The following KLHL13 variants were observed in gnomAD, a reference collection of about 807,000 sequenced individuals.
KLHL13 encodes kelch like family member 13.
A neutral mutation model predicts 37.1 loss-of-function variants in KLHL13; 10 were observed. The ratio of observed to expected loss-of-function variants is 0.27; its 90% CI spans 0.17 to 0.46. The LOEUF (loss-of-function observed/expected upper bound fraction) is 0.46, where lower values mean the gene tolerates loss of function less well. Ranked by LOEUF, KLHL13 falls within the 20% of genes least tolerant of loss-of-function variation. The pLI is 1.00. For synonymous variants in KLHL13, 163 were observed against 181.2 expected (o/e 0.90, Z 0.81); for missense variants, 360 against 509.3 (o/e 0.71, Z 2.82).
chrX:117,942,484 C>T lies in KLHL13; in HGVS notation c.240+2950G>A, dbSNP rs560722278. Among the ~76,000 whole-genome samples, 23 of 110,401 alleles carry T rather than the reference C, an allele frequency of 2.1e-4. No individual in the cohort carries two copies. In the South Asian group the frequency reaches 8.5e-3, roughly 41 times the overall value. On this transcript the variant is annotated intron_variant, in intron 2 of 6. Transcript: ENST00000262820. ...GTCTAAGTCTCTTTGTAGATCTCTA[C>T]GAACTTGCTTAATGAATGTGGGTGC...
chrX:117,908,369 T>G (rs1185555628), intron 5 of KLHL13, among the ~76,000 whole-genome samples: 4 of 109,081 alleles, frequency 3.7e-5, no homozygotes, highest in Admixed American at 2.0e-4. Context: ...CATTAGGTAT[T>G]TCTCCTAATG....
chrX:118,026,203 C>T lies in KLHL13; in HGVS notation c.-55-80628G>A, dbSNP rs1030679401. Reference sequence around the variant, plus strand: ...GTTTTCTGTTCATTTTACAACATGCCTGTATTTTAAAATACCTCGGAATTG... The same window carrying T: ...GTTTTCTGTTCATTTTACAACATGCTTGTATTTTAAAATACCTCGGAATTG... On this transcript the variant is annotated intron_variant, in intron 1 of 6. Transcript: ENST00000371882. Among the ~76,000 whole-genome samples the T allele has an allele frequency of 2.7e-5, 3 of 111,583 alleles. No individual in the cohort carries two copies. The East Asian group carries it at 8.4e-4, about 31-fold the overall frequency.
At chrX:118,054,008 G>A (rs755282197) in intron 1 of KLHL13, among the ~76,000 whole-genome samples, 26 of 110,540 alleles carry the variant, frequency 2.4e-4, no homozygotes, top group Non-Finnish European at 4.6e-4. Context: ...AGACAATGAA[G>A]GAGAAAGAAG....
intron 1 of KLHL13, among the ~76,000 whole-genome samples, chrX:117,999,823 A>C (rs1471125121): frequency 2.7e-5 from 3 of 111,702 alleles, no homozygotes; most frequent in African/African-American, 9.7e-5. Flanking sequence ...ACTGGCACAT[A>C]GAACGGAGAA....
chrX:117,939,783 G>A (rs750631400), intron 2 of KLHL13, among the ~76,000 whole-genome samples: 19 of 111,600 alleles, frequency 1.7e-4, no homozygotes, highest in African/African-American at 5.9e-4. Flanking sequence ...CTTTTTGATG[G>A]GGTGGTTTGT....
intron 4 of KLHL13, among the ~76,000 whole-genome samples, chrX:117,918,592 A>G (rs1194499877): frequency 8.9e-6 from 1 of 111,885 alleles, no homozygotes; most frequent in Non-Finnish European, 1.9e-5. Context: ...TTTCTGTCCA[A>G]TGTAGCCATT....
chrX:118,000,861 T>G (rs1159825070), intron 1 of KLHL13, among the ~76,000 whole-genome samples: 1 of 111,864 alleles, frequency 8.9e-6, no homozygotes, highest in Non-Finnish European at 1.9e-5. Flanking sequence ...CTGCTGGGGC[T>G]GTTATGTAAT....
intron 1 of KLHL13, among the ~76,000 whole-genome samples, chrX:118,053,238 C>T (rs1335054934): frequency 1.8e-5 from 2 of 111,865 alleles, no homozygotes; most frequent in Non-Finnish European, 3.8e-5. Flanking sequence ...TTGGAACCAA[C>T]CCAAATGTCC....
At chrX:118,081,128 T>C (rs1297460907) in intron 1 of KLHL13, among the ~76,000 whole-genome samples, 1 of 110,717 alleles carries the variant, frequency 9.0e-6, no homozygotes, top group African/African-American at 3.3e-5. Flanking sequence ...AGGGGCAGAG[T>C]GGGGCATGGG....
intron 1 of KLHL13, among the ~76,000 whole-genome samples, chrX:117,964,994 A>G (rs928131831): frequency 9.0e-6 from 1 of 111,684 alleles, no homozygotes; most frequent in African/African-American, 3.3e-5. Context: ...TCATTGATGG[A>G]CATTTGGGTT....
intron 1 of KLHL13, among the ~76,000 whole-genome samples, chrX:117,957,354 T>A (rs1367780573): frequency 8.9e-6 from 1 of 112,203 alleles, no homozygotes; most frequent in Non-Finnish European, 1.9e-5. Flanking sequence ...TCCTACACTC[T>A]TGAAGTCAAG....
At position 118,000,866 on chromosome X, in the gene KLHL13, T is replaced by C. The variant is rs182747453; in HGVS notation, c.-55-55291A>G. Among the ~76,000 whole-genome samples the C allele has an allele frequency of 1.5e-3, 164 of 111,943 alleles. 2 individuals carry two copies. The highest frequency in any genetic ancestry group is 5.2e-3 in the African/African-American group (159 of 30,813). ...ACCTCAAACCCTGCTGGGGCTGTTA[T>C]GTAATATAGGATATACAGACTGCTA... On this transcript the variant is annotated intron_variant, in intron 1 of 6. Coordinates refer to the KLHL13 transcript ENST00000371882.
At chrX:117,926,798 A>AC (rs199911005) in intron 2 of KLHL13, among the ~76,000 whole-genome samples, 1,205 of 96,911 alleles carry the variant, frequency 0.012, 21 homozygotes, top group African/African-American at 0.044. Flanking sequence ...TTCCCAGTCT[A>AC]CCCCGACCTG....
chrX:118,045,100 G>A (rs2054544351), intron 1 of KLHL13, among the ~76,000 whole-genome samples: 1 of 111,796 alleles, frequency 8.9e-6, no homozygotes, highest in African/African-American at 3.2e-5. Flanking sequence ...CAGGCTGGGT[G>A]TGGTGGCTCA....
intron 1 of KLHL13, among the ~76,000 whole-genome samples, chrX:118,036,606 A>T (rs1443703758): frequency 4.5e-5 from 5 of 112,214 alleles, no homozygotes; most frequent in African/African-American, 1.6e-4. Flanking sequence ...AATGGATTAA[A>T]GACTTAAATG....
chrX:118,089,065 AT>A (rs1033758101), intron 1 of KLHL13, among the ~76,000 whole-genome samples: 2 of 111,515 alleles, frequency 1.8e-5, no homozygotes, highest in Non-Finnish European at 3.8e-5. Context: ...AGGACAGAAA[AT>A]TTTTAGACAA....
At position 117,992,596 on chromosome X, in the gene KLHL13, C is replaced by CT. The variant is rs372885384; in HGVS notation, c.-55-47022dup. 9.1e-3 allele frequency among the ~76,000 whole-genome samples: 933 copies of CT among 102,884 alleles called. 20 individuals are homozygous for CT. Among genetic ancestry groups the CT allele is most frequent in the African/African-American group, 0.029 (839 of 28,511 alleles). 89.3% of individuals were successfully genotyped at this position (102,884 alleles called of 115,157 possible). A position where few individuals can be genotyped will look rare whatever the true frequency, so the allele number is the denominator to read the frequency against. ...TCTTCTCTGTTTTGCTAAGGCTGGGCTTTTTTTTTTTCCTTTTTTTCTGTC... is the reference window on the plus strand; with the variant it reads ...TCTTCTCTGTTTTGCTAAGGCTGGGCTTTTTTTTTTTTCCTTTTTTTCTGTC... On this transcript the variant is annotated intron_variant, in intron 1 of 6. Coordinates refer to the KLHL13 transcript ENST00000371882.
intron 1 of KLHL13, among the ~76,000 whole-genome samples, chrX:118,014,484 C>T (rs2497843): frequency 0.021 from 2,372 of 111,957 alleles, 74 homozygotes; most frequent in African/African-American, 0.072. Flanking sequence ...GCATGCACAG[C>T]GGCACACAGA....
At chrX:117,981,444 C>T (rs1159077792) in intron 1 of KLHL13, among the ~76,000 whole-genome samples, 2 of 111,965 alleles carry the variant, frequency 1.8e-5, no homozygotes, top group African/African-American at 6.5e-5. Flanking sequence ...TCTTGACTTC[C>T]TTTCTATGTC....
Sources: gnomAD v4.1 joint callset for allele counts (sites outside exome capture counted in the v4.1 genomes callset) on GRCh38, gnomAD v4.1.1 for gene constraint, MANE v1.5 for transcripts, NCBI Gene and HGNC (gene_info 2026-07-23, HGNC 2026-07-21) for gene names.